The following RXRA variants were observed in gnomAD, a reference collection of about 807,000 sequenced individuals.
RXRA encodes retinoid X receptor alpha, also known as retinoic acid receptor RXR-alpha.
RXRA carries 5 observed loss-of-function variants against 44.5 expected under a neutral mutation model. That is an observed-to-expected ratio of 0.11 (90% confidence interval 0.06 to 0.24). RXRA has a LOEUF of 0.24. Among genes scored for constraint, RXRA ranks in the 10% least tolerant of loss-of-function variants. The probability of loss-of-function intolerance (pLI) is 1.00; values close to 1 mark genes in which losing one functional copy is unlikely to be tolerated. For synonymous variants in RXRA, 291 were observed against 271.4 expected, an observed-to-expected ratio of 1.07 and a Z score of -0.71; for missense variants, 412 against 646.5, an observed-to-expected ratio of 0.64 and a Z score of 3.93.
chr9:134,375,770 A>C (rs1250820801), intron 1 of RXRA, among the ~76,000 whole-genome samples: 1 of 147,868 alleles, frequency 6.8e-6, no homozygotes, highest in Non-Finnish European at 1.5e-5. Flanking sequence ...GGTGCGGAGT[A>C]GGAGGGCTGG....
intron 1 of RXRA, among the ~76,000 whole-genome samples, chr9:134,385,076 C>G (rs1336616143): frequency 2.0e-5 from 3 of 152,202 alleles, no homozygotes; most frequent in Non-Finnish European, 4.4e-5. Context: ...CCTGCGCAGC[C>G]TTCCTTGAGG....
intron 6 of RXRA, chr9:134,423,044 T>C (rs1209188844): frequency 9.1e-6 from 9 of 985,452 alleles, no homozygotes; most frequent in Non-Finnish European, 1.1e-5. Context: ...GGAGCTCAGC[T>C]TTGGGGTTTT....
chr9:134,410,417 C>T (rs560762999), intron 4 of RXRA, among the ~76,000 whole-genome samples: 1 of 152,350 alleles, frequency 6.6e-6, no homozygotes, highest in African/African-American at 2.4e-5. Context: ...TGGCCCCCAT[C>T]CAGACCTTGT....
At chr9:134,326,763 C>A in intron 1 of RXRA, 104 bp downstream of exon 1, 1 of 223,842 alleles carries the variant, frequency 4.5e-6, no homozygotes, top group South Asian at 1.5e-4. Flanking sequence ...GGTCGCCGGC[C>A]CGGGCCCCGC....
intron 1 of RXRA, among the ~76,000 whole-genome samples, chr9:134,377,504 T>G (rs919188822): frequency 1.3e-5 from 2 of 152,116 alleles, no homozygotes; most frequent in Non-Finnish European, 2.9e-5. Flanking sequence ...TGCGTGTCCT[T>G]CCTGCACAGC....
In RXRA at chr9:134,342,525, C is replaced by T. The variant is rs1830098240; in HGVS notation, c.28+15866C>T. Among the ~76,000 whole-genome samples the T allele has an allele frequency of 6.6e-6, 1 of 152,220 alleles. No homozygotes were observed. The highest frequency in any genetic ancestry group is 1.5e-5 in the Non-Finnish European group (1 of 68,040). ...CTTGGGATGGCGTGCTGTGCGCCCT[C>T]TTCCTGCCATCAGCGGGGGGCAGTG... On this transcript the variant is annotated intron_variant, in intron 1 of 9. Coordinates refer to ENST00000481739, the MANE Select transcript of RXRA (RefSeq NM_002957.6). This position sits in a 1 kb window ranked among gnomAD's most constrained non-coding sequence, Gnocchi z 4.4.
chr9:134,389,342 CAAGCAGGCTGGG>C (rs1389810652), intron 1 of RXRA, among the ~76,000 whole-genome samples: 1 of 152,140 alleles, frequency 6.6e-6, no homozygotes, highest in African/African-American at 2.4e-5. Context: ...TTGGTGAGGC[CAAGCAGGCTGGG>C]AAGGGTGCTG....
intron 6 of RXRA, chr9:134,424,537 G>A (rs1444455963): frequency 1.0e-6 from 1 of 985,264 alleles, no homozygotes; most frequent in Non-Finnish European, 1.2e-6. Flanking sequence ...CACTACCCAC[G>A]AGCAGCTGAC....
chr9:134,363,730 C>A (rs879839614), intron 1 of RXRA, among the ~76,000 whole-genome samples: 9 of 152,312 alleles, frequency 5.9e-5, no homozygotes, highest in Admixed American at 5.9e-4. Context: ...GTCTCCCAGT[C>A]CTTGGGACAG....
At chr9:134,355,639 C>T (rs1422023988) in intron 1 of RXRA, among the ~76,000 whole-genome samples, 2 of 152,078 alleles carry the variant, frequency 1.3e-5, no homozygotes, top group African/African-American at 4.8e-5. Flanking sequence ...CAAAGCTGCC[C>T]TCTGCAGCCA....
intron 1 of RXRA, among the ~76,000 whole-genome samples, chr9:134,368,368 C>T (rs945228039): frequency 6.6e-6 from 1 of 152,244 alleles, no homozygotes. Context: ...CCACCCACTC[C>T]CCTGGGGCTG....
chr9:134,388,994 T>C (rs1157945413), intron 1 of RXRA, among the ~76,000 whole-genome samples: 1 of 151,880 alleles, frequency 6.6e-6, no homozygotes, highest in East Asian at 2.0e-4. Context: ...TGAGACCCGG[T>C]GACCTGCCTC....
chr9:134,435,613 A>G (rs887783388), intron 9 of RXRA, among the ~76,000 whole-genome samples: 1 of 152,144 alleles, frequency 6.6e-6, no homozygotes, highest in Non-Finnish European at 1.5e-5. Flanking sequence ...CTTTATGGAA[A>G]GGGTCTTGCA....
chr9:134,328,417 G>T (rs1554746271), intron 1 of RXRA, among the ~76,000 whole-genome samples: 1 of 152,050 alleles, frequency 6.6e-6, no homozygotes, highest in African/African-American at 2.4e-5. Flanking sequence ...CTGTGAGGAG[G>T]AGAGGTCGTG....
chr9:134,375,913 G>A (rs1390833344), intron 1 of RXRA, among the ~76,000 whole-genome samples: 4 of 151,846 alleles, frequency 2.6e-5, no homozygotes, highest in African/African-American at 7.3e-5. Flanking sequence ...AGGCCACGTA[G>A]AGAAAACAAG....
chr9:134,340,379 GCCA>G (rs550250410), intron 1 of RXRA, among the ~76,000 whole-genome samples: 269 of 152,230 alleles, frequency 1.8e-3, no homozygotes, highest in African/African-American at 5.2e-3. Context: ...GACCAGTGAT[GCCA>G]CCCACTGACC....
chr9:134,351,755 G>A (rs1461267627), intron 1 of RXRA, among the ~76,000 whole-genome samples: 6 of 152,242 alleles, frequency 3.9e-5, no homozygotes, highest in Admixed American at 6.5e-5. Context: ...CCGCTGCTGC[G>A]AACTTGTTTT....
intron 1 of RXRA, among the ~76,000 whole-genome samples, chr9:134,338,655 C>T (rs891348661): frequency 6.6e-6 from 1 of 152,212 alleles, no homozygotes; most frequent in Admixed American, 6.5e-5. Flanking sequence ...GCTGCCGGAT[C>T]CCACGCAGCC....
chr9:134,369,477 G>C (rs927356626), intron 1 of RXRA, among the ~76,000 whole-genome samples: 6 of 131,118 alleles, frequency 4.6e-5, no homozygotes, highest in Admixed American at 2.4e-4. Flanking sequence ...GGGGTTTTGT[G>C]TGTGGGTTGT....
Sources: gnomAD v4.1 joint callset for allele counts (sites outside exome capture counted in the v4.1 genomes callset) on GRCh38, gnomAD v4.1.1 for gene constraint, Gnocchi (gnomAD v3.1) non-coding constraint, MANE v1.5 for transcripts, NCBI Gene and HGNC (gene_info 2026-07-23, HGNC 2026-07-21) for gene names.